NRP1: variants seen among roughly 807,000 people sequenced by gnomAD.
NRP1 encodes neuropilin 1.
Under a neutral mutation model 106.7 loss-of-function variants are expected in NRP1, and 35 were observed. That is an observed-to-expected ratio of 0.33 (90% CI 0.25 to 0.43). NRP1 has a LOEUF of 0.43. Among genes scored for constraint, NRP1 ranks in the 20% least tolerant of loss-of-function variants. NRP1 has a pLI of 1.00. For missense variants in NRP1, 1,024 were observed against 1,170.4 expected (o/e 0.87, Z 1.83); for synonymous variants, 437 against 417.9 (o/e 1.05, Z -0.56).
chr10:33,249,078 T>C (rs1227292968), intron 6 of NRP1, among the ~76,000 whole-genome samples: 2 of 143,356 alleles, frequency 1.4e-5, no homozygotes, highest in Non-Finnish European at 3.0e-5. Flanking sequence ...AGGTATTATG[T>C]CTCTTGTTTT....
chr10:33,307,591 T>A (rs906604725), intron 2 of NRP1, among the ~76,000 whole-genome samples: 5 of 152,190 alleles, frequency 3.3e-5, no homozygotes, highest in African/African-American at 1.2e-4. Context: ...GGAGTATATA[T>A]CAAGAGTCTT....
At chr10:33,215,100 C>T (rs868759751) in intron 8 of NRP1, among the ~76,000 whole-genome samples, 2 of 152,190 alleles carry the variant, frequency 1.3e-5, no homozygotes, top group African/African-American at 2.4e-5. Context: ...TATCAAAACT[C>T]GATCTGGCAT....
At position 33,292,376 on chromosome 10, in the gene NRP1, T is replaced by C. The variant is rs898980431; in HGVS notation, c.249-21520A>G. ...AAATTCTACAATATCAAACTCTTGA[T>C]TGTAGGCCCTCTTATCTTTCCAGCA... On this transcript the variant is annotated intron_variant, in intron 2 of 16. Coordinates refer to ENST00000374867, the MANE Select transcript of NRP1 (RefSeq NM_003873.7). 2.6e-5 allele frequency among the ~76,000 whole-genome samples: 4 copies of C among 152,238 alleles called. No individual in the cohort carries two copies. In the East Asian group the frequency reaches 5.8e-4, roughly 22 times the overall value.
intron 13 of NRP1, among the ~76,000 whole-genome samples, chr10:33,187,160 AC>A (rs1836065763): frequency 6.6e-6 from 1 of 152,160 alleles, no homozygotes; most frequent in Non-Finnish European, 1.5e-5. Context: ...GGCATGATCC[AC>A]CACGCTGGGC....
At chr10:33,297,424 G>C (rs1035582644) in intron 2 of NRP1, among the ~76,000 whole-genome samples, 2 of 152,116 alleles carry the variant, frequency 1.3e-5, no homozygotes, top group South Asian at 4.1e-4. Flanking sequence ...GGTGGCTCAC[G>C]CCTCTCATCC....
At chr10:33,210,405 T>C (rs1838206753) in intron 9 of NRP1, among the ~76,000 whole-genome samples, 1 of 152,160 alleles carries the variant, frequency 6.6e-6, no homozygotes, top group Admixed American at 6.5e-5. Flanking sequence ...GAGAAAAGCA[T>C]TTATATCTAT....
intron 2 of NRP1, among the ~76,000 whole-genome samples, chr10:33,325,594 G>A (rs1230805225): frequency 2.0e-5 from 3 of 152,070 alleles, no homozygotes; most frequent in African/African-American, 7.2e-5. Context: ...CATTCCATAA[G>A]TTTATATTCT....
chr10:33,301,640 C>T (rs780468316), intron 2 of NRP1, among the ~76,000 whole-genome samples: 14 of 152,034 alleles, frequency 9.2e-5, no homozygotes, highest in Middle Eastern at 3.2e-3. Flanking sequence ...CTCAGCCACT[C>T]ATATGCCCTG....
chr10:33,280,720 A>C (rs1202691752), intron 2 of NRP1, among the ~76,000 whole-genome samples: 1 of 151,908 alleles, frequency 6.6e-6, no homozygotes, highest in Non-Finnish European at 1.5e-5. Flanking sequence ...TGTGGCTCAC[A>C]CCTGTAATCC....
At chr10:33,330,106 T>A (rs1198440455) in intron 2 of NRP1, among the ~76,000 whole-genome samples, 1 of 152,192 alleles carries the variant, frequency 6.6e-6, no homozygotes, top group East Asian at 1.9e-4. Flanking sequence ...TAACAATTAT[T>A]TTCTAGCATT....
chr10:33,226,041 C>T (rs1839637285), intron 7 of NRP1, 93 bp downstream of exon 7: 1 of 1,380,200 alleles, frequency 7.2e-7, no homozygotes, highest in African/African-American at 1.4e-5. Flanking sequence ...CAAAAATAAA[C>T]CAGGCCAGAC....
chr10:33,267,947 C>T (rs933029256), intron 3 of NRP1, among the ~76,000 whole-genome samples: 3 of 152,144 alleles, frequency 2.0e-5, no homozygotes, highest in Admixed American at 1.3e-4. Flanking sequence ...TCTCTTAGAA[C>T]TGTGACCTCA....
intron 10 of NRP1, among the ~76,000 whole-genome samples, chr10:33,205,291 A>T (rs1837678586): frequency 6.6e-6 from 1 of 152,120 alleles, no homozygotes; most frequent in Admixed American, 6.5e-5. Context: ...CAATGTCCTC[A>T]CTTTTGTGAG....
chr10:33,254,477 TCA>T (rs1445274308), intron 5 of NRP1, among the ~76,000 whole-genome samples: 1 of 152,356 alleles, frequency 6.6e-6, no homozygotes, highest in Admixed American at 6.5e-5. Context: ...TGATTTATTT[TCA>T]CAGTTGAGTG....
intron 13 of NRP1, among the ~76,000 whole-genome samples, chr10:33,188,638 A>G (rs929364374): frequency 4.6e-5 from 7 of 152,008 alleles, no homozygotes; most frequent in Admixed American, 6.6e-5. Context: ...GCACTTTGGG[A>G]AGCCGAGGTG....
chr10:33,180,435 G>A, intron 16 of NRP1, 70 bp from the exon 17 acceptor site: 1 of 1,449,264 alleles, frequency 6.9e-7, no homozygotes, highest in South Asian at 1.4e-5. Context: ...CAGAAAAATA[G>A]AAAGGAACGA....
chr10:33,250,399 G>A (rs952377258), intron 6 of NRP1, among the ~76,000 whole-genome samples: 1 of 152,126 alleles, frequency 6.6e-6, no homozygotes, highest in African/African-American at 2.4e-5. Flanking sequence ...GCGAAAAACG[G>A]TAATTTTACC....
intron 2 of NRP1, among the ~76,000 whole-genome samples, chr10:33,315,318 C>G (rs1358785842): frequency 6.6e-6 from 1 of 152,162 alleles, no homozygotes; most frequent in African/African-American, 2.4e-5. Flanking sequence ...GAAGGGTTTA[C>G]CATGTAAATG....
chr10:33,319,424 A>G lies in NRP1; in HGVS notation c.248+11284T>C, dbSNP rs537762318. Among the ~76,000 whole-genome samples the G allele has an allele frequency of 3.9e-5, 6 of 152,204 alleles. No homozygotes were observed. In the East Asian group the frequency reaches 1.2e-3, roughly 29 times the overall value. On this transcript the variant is annotated intron_variant, in intron 2 of 16. Coordinates refer to ENST00000374867, the MANE Select transcript of NRP1 (RefSeq NM_003873.7). ...TTTGTAAAATGGACCAATGAACAGG[A>G]CATGGGTGGGGACAAACAAGGGAAT...
Sources: allele counts gnomAD v4.1 joint callset (sites outside exome capture counted in the v4.1 genomes callset), GRCh38; gene constraint gnomAD v4.1.1; transcripts MANE v1.5; gene names NCBI Gene and HGNC (gene_info 2026-07-23, HGNC 2026-07-21).